The following MAML3 variants were observed in gnomAD, a reference collection of about 807,000 sequenced individuals.
MAML3 encodes the protein mastermind like transcriptional coactivator 3.
MAML3 carries 27 observed loss-of-function variants against 101.9 expected under a neutral mutation model. The observed-to-expected ratio is 0.27, with a 90% confidence interval of 0.20 to 0.37. The LOEUF (loss-of-function observed/expected upper bound fraction) is 0.37, where lower values mean the gene tolerates loss of function less well. MAML3 is among the 10% of genes least tolerant of loss of function. MAML3 has a pLI of 1.00. For synonymous variants in MAML3, 501 were observed against 555.9 expected, an observed-to-expected ratio of 0.90 and a Z score of 1.39; for missense variants, 1,316 against 1,444.9, an observed-to-expected ratio of 0.91 and a Z score of 1.45.
In MAML3 at chr4:139,730,677, C is replaced by G. The variant is rs1270272674; in HGVS notation, c.2080-10G>C. 3 of 1,608,506 alleles carry G rather than the reference C, an allele frequency of 1.9e-6. No individual in the cohort carries two copies. Among genetic ancestry groups the G allele is most frequent in the South Asian group, 2.2e-5 (2 of 90,300 alleles). On this transcript the variant is annotated splice_polypyrimidine_tract_variant and intron_variant, in intron 2 of 4. Coordinates refer to ENST00000509479, the MANE Select transcript of MAML3 (RefSeq NM_018717.5). ...CAACTGGATGCTGCTCCTGGGAAGA[C>G]AAGAGAGAGGGAGATGCAGGGATTC...
chr4:139,919,525 G>A (rs1379934064), intron 1 of MAML3, among the ~76,000 whole-genome samples: 1 of 152,196 alleles, frequency 6.6e-6, no homozygotes, highest in African/African-American at 2.4e-5. Context: ...GGAAAGCAAA[G>A]AGATGTAAGA....
At chr4:139,797,577 G>A (rs1483280206) in intron 2 of MAML3, among the ~76,000 whole-genome samples, 5 of 152,156 alleles carry the variant, frequency 3.3e-5, no homozygotes, top group African/African-American at 4.8e-5. Context: ...CCAGGGCATC[G>A]CTGGCTGGCT....
intron 1 of MAML3, among the ~76,000 whole-genome samples, chr4:139,989,870 CACACACACACACAGAG>C (rs1244941814): frequency 7.1e-4 from 64 of 90,520 alleles, no homozygotes; most frequent in Middle Eastern, 6.0e-3. Context: ...CACACACACA[CACACACACACACAGAG>C]AGAGAGAGAG....
intron 1 of MAML3, among the ~76,000 whole-genome samples, chr4:139,970,408 G>A (rs1357016290): frequency 6.6e-6 from 1 of 152,148 alleles, no homozygotes; most frequent in Admixed American, 6.5e-5. Flanking sequence ...ATGGTGACAG[G>A]GAGGTAGATG....
At position 140,144,861 on chromosome 4, in the gene MAML3, T is replaced by C. The variant is rs147289620; in HGVS notation, c.468+7999A>G. ...CTAGGTGATGCCTCCAAAATGCTCA[T>C]CCTTTTTTGCCTCTCCTACCTTAAC... On this transcript the variant is annotated intron_variant, in intron 1 of 4. Transcript: ENST00000509479. Among the ~76,000 whole-genome samples the C allele has an allele frequency of 2.2e-3, 330 of 152,328 alleles. 3 individuals are homozygous for C. Among genetic ancestry groups the C allele is most frequent in the African/African-American group, 7.4e-3 (307 of 41,566 alleles).
chr4:139,751,539 G>T (rs558218658), intron 2 of MAML3, among the ~76,000 whole-genome samples: 1 of 152,296 alleles, frequency 6.6e-6, no homozygotes, highest in South Asian at 2.1e-4. Flanking sequence ...TCCACATGTG[G>T]TATCATGTCA....
At chr4:139,847,063 T>G (rs537770657) in intron 2 of MAML3, among the ~76,000 whole-genome samples, 5 of 152,188 alleles carry the variant, frequency 3.3e-5, no homozygotes, top group African/African-American at 7.2e-5. Context: ...GCTGACTGAT[T>G]TGCAAATGGT....
intron 2 of MAML3, among the ~76,000 whole-genome samples, chr4:139,773,243 G>A (rs993022450): frequency 5.9e-5 from 9 of 152,086 alleles, no homozygotes; most frequent in Non-Finnish European, 1.0e-4. Flanking sequence ...AGGCAGAAGA[G>A]TTCATCATCT....
chr4:139,910,757 G>A (rs1459950681), intron 1 of MAML3, among the ~76,000 whole-genome samples: 1 of 152,164 alleles, frequency 6.6e-6, no homozygotes, highest in Non-Finnish European at 1.5e-5. Flanking sequence ...TTCTGAGTGG[G>A]TGTGAAGGAG....
chr4:139,971,034 TATG>T (rs993193216), intron 1 of MAML3, among the ~76,000 whole-genome samples: 1 of 152,214 alleles, frequency 6.6e-6, no homozygotes, highest in Admixed American at 6.5e-5. Flanking sequence ...GCCTTAGAAT[TATG>T]ATATGTGTCT....
intron 1 of MAML3, among the ~76,000 whole-genome samples, chr4:139,930,918 G>T (rs1004631585): frequency 5.9e-5 from 9 of 152,034 alleles, no homozygotes; most frequent in Non-Finnish European, 1.2e-4. Context: ...AGCTCGGCCA[G>T]TAGGCTCTGT....
intron 1 of MAML3, 133 bp from the exon 2 acceptor site, chr4:139,891,100 T>C: frequency 9.1e-7 from 1 of 1,102,794 alleles, no homozygotes; most frequent in East Asian, 2.6e-5. Flanking sequence ...ATACTTATAA[T>C]TTCAAAATCA....
chr4:139,919,683 G>A (rs1733088294), intron 1 of MAML3, among the ~76,000 whole-genome samples: 1 of 152,112 alleles, frequency 6.6e-6, no homozygotes, highest in Non-Finnish European at 1.5e-5. Context: ...CCCACAACAG[G>A]GACCTGGTGC....
At chr4:140,130,625 A>G (rs571144626) in intron 1 of MAML3, among the ~76,000 whole-genome samples, 4 of 152,204 alleles carry the variant, frequency 2.6e-5, no homozygotes, top group Non-Finnish European at 5.9e-5. Context: ...TGGTTTCACC[A>G]TTGGGTAGCA....
chr4:140,088,802 G>A (rs979164836), intron 1 of MAML3, among the ~76,000 whole-genome samples: 4 of 152,178 alleles, frequency 2.6e-5, no homozygotes, highest in African/African-American at 7.2e-5. Flanking sequence ...AACTAATTTA[G>A]AGTTTTCTGT....
intron 1 of MAML3, among the ~76,000 whole-genome samples, chr4:139,967,744 C>G (rs552057790): frequency 4.2e-4 from 64 of 152,156 alleles, no homozygotes; most frequent in Non-Finnish European, 7.9e-4. Flanking sequence ...TTTCAAACGC[C>G]TGGACAAAGG....
At chr4:139,935,618 G>A (rs1733491869) in intron 1 of MAML3, among the ~76,000 whole-genome samples, 1 of 146,830 alleles carries the variant, frequency 6.8e-6, no homozygotes, top group East Asian at 2.0e-4. Context: ...TGTTTCAAGT[G>A]TTTCAGCTTT....
chr4:139,877,341 C>T (rs1047974415), intron 2 of MAML3, among the ~76,000 whole-genome samples: 5 of 151,744 alleles, frequency 3.3e-5, no homozygotes, highest in African/African-American at 1.2e-4. Context: ...GCATTTCCCC[C>T]CACCCCCCGA....
chr4:140,132,981 T>C (rs563695450), intron 1 of MAML3: 1 of 353,626 alleles, frequency 2.8e-6, no homozygotes, highest in Admixed American at 3.6e-5. Flanking sequence ...TTACAAAATG[T>C]GAGTGCTGAC....
Sources: allele counts gnomAD v4.1 joint callset (sites outside exome capture counted in the v4.1 genomes callset), GRCh38; gene constraint gnomAD v4.1.1; transcripts MANE v1.5; gene names NCBI Gene and HGNC (gene_info 2026-07-23, HGNC 2026-07-21).